The following DSP variants were observed in gnomAD, a reference collection of about 807,000 sequenced individuals.
The protein encoded by DSP is desmoplakin.
Under a neutral mutation model 290.6 loss-of-function variants are expected in DSP, and 114 were observed. The ratio of observed to expected loss-of-function variants is 0.39; its 90% CI spans 0.34 to 0.46. The LOEUF is 0.46. Among genes scored for constraint, DSP ranks in the 20% least tolerant of loss-of-function variants. The probability of loss-of-function intolerance (pLI) is 0.99; values close to 1 mark genes in which losing one functional copy is unlikely to be tolerated. For synonymous variants in DSP, 1,311 were observed against 1,316.4 expected (o/e 1.00, Z 0.09); for missense variants, 3,230 against 3,495.8 (o/e 0.92, Z 1.92).
rs139796420 is a variant in DSP at position 7,577,658 on chromosome 6, A to G, written c.2878-121A>G. ...TAGTTGCTTGGCCACTAGTGGCGCAAAGTCTTTGGAGTGGGCAATTAGACG... is the reference window on the plus strand; with the variant it reads ...TAGTTGCTTGGCCACTAGTGGCGCAGAGTCTTTGGAGTGGGCAATTAGACG... On this transcript the variant is annotated intron_variant, in intron 20 of 23. Transcript: ENST00000379802. 30 of 856,938 alleles carry G rather than the reference A, an allele frequency of 3.5e-5. No homozygotes were observed. In the East Asian group the frequency reaches 6.8e-4, roughly 19 times the overall value. 53.1% of individuals were successfully genotyped at this position (856,938 alleles called of 1,614,324 possible). A position where few individuals can be genotyped will look rare whatever the true frequency, so the allele number is the denominator to read the frequency against.
intron 6 of DSP, among the ~76,000 whole-genome samples, chr6:7,564,575 A>G (rs917743902): frequency 6.6e-6 from 1 of 152,230 alleles, no homozygotes; most frequent in Non-Finnish European, 1.5e-5. Context: ...GTACAAAAAT[A>G]CAGTTAGATA....
chr6:7,570,833 G>C (rs1759023376), intron 13 of DSP, among the ~76,000 whole-genome samples: 1 of 152,228 alleles, frequency 6.6e-6, no homozygotes, highest in African/African-American at 2.4e-5. Flanking sequence ...ATGCACTCCT[G>C]TAAGATTCTG....
rs374266378 is a variant in DSP, at chr6:7,584,861, T to C, written c.7599T>C (p.Ala2533=). The C allele has an allele frequency of 1.9e-5, 30 of 1,614,182 alleles. No individual in the cohort carries two copies. In the African/African-American group the frequency reaches 3.7e-4, roughly 20 times the overall value. The change falls in exon 24 of 24, where the codon GCT becomes GCC. Residue 2533 remains alanine (A), a synonymous_variant. Coordinates refer to ENST00000379802, the MANE Select transcript of DSP (RefSeq NM_004415.4). This position sits in a 1 kb window ranked among gnomAD's most constrained non-coding sequence, Gnocchi z 6.4. ...KTGSQYDIQD[A]IDKGLVDRKF... Reference sequence around the variant, plus strand: ...GCAGTCAGTATGATATTCAAGATGCTATTGACAAGGGCCTTGTTGACAGGA... The same window carrying C: ...GCAGTCAGTATGATATTCAAGATGCCATTGACAAGGGCCTTGTTGACAGGA...
Position 7,579,830 on chromosome 6 carries a change from A to G in DSP, c.3640A>G (p.Ile1214Val), listed in dbSNP as rs1376293705. The G allele has an allele frequency of 1.9e-6, 3 of 1,614,042 alleles. No homozygotes were observed. Among genetic ancestry groups the G allele is most frequent in the South Asian group, 1.1e-5 (1 of 91,084 alleles). The stretch of plus-strand genomic sequence containing the variant: ...TTTAAGGAACAAGTATGAAACAGAG[A>G]TTAACATTACGAAGACCACCATCAA... ...SNLRNKYETE[I>V]NITKTTIKEI... The change falls in exon 23 of 24, where the codon ATT becomes GTT. Residue 1214 changes from isoleucine (I) to valine (V), a missense_variant. Physicochemically the swap from Ile to Val is conservative, Grantham distance 29. This residue lies in a region of DSP where 1,714 missense variants were observed against 1,844.5 expected (regional missense o/e 0.93). Transcript: ENST00000379802. This position sits in a 1 kb window ranked among gnomAD's most constrained non-coding sequence, Gnocchi z 4.1.
chr6:7,553,798 C>A (rs1368003227), intron 1 of DSP, among the ~76,000 whole-genome samples: 1 of 152,122 alleles, frequency 6.6e-6, no homozygotes, highest in Non-Finnish European at 1.5e-5. Context: ...GGCACCACCT[C>A]CCCTGGGCCT....
Position 7,583,111 on chromosome 6 carries a change from A to G in DSP, c.5849A>G (p.His1950Arg). 6.2e-7 allele frequency: 1 copy of G among 1,614,108 alleles called. No individual in the cohort carries two copies. Among genetic ancestry groups the G allele is most frequent in the Non-Finnish European group, 8.5e-7 (1 of 1,180,018 alleles). The change falls in exon 24 of 24, where the codon CAT becomes CGT. Residue 1950 changes from histidine to arginine, a missense_variant. His to Arg is a conservative substitution (Grantham distance 29). Around this residue, in one of 5 missense-constraint regions of DSP, gnomAD observed 1,714 missense variants for 1,844.5 expected, o/e 0.93. Transcript: ENST00000379802. The surrounding 1 kb of genome is among the most constrained non-coding windows in gnomAD (Gnocchi z 4.0). ...DKLRQRPYGS[H>R]RETQTECEWT... is the part of the protein sequence containing the mutation. ...CTCAGACAGCGCCCATATGGGTCCC[A>G]TCGAGAGACCCAGACTGAGTGTGAG...
At chr6:7,563,855 T>A in intron 6 of DSP, 69 bp downstream of exon 6, 1 of 1,423,238 alleles carries the variant, frequency 7.0e-7, no homozygotes, top group Non-Finnish European at 9.9e-7. Context: ...TCAAGAAATA[T>A]CAAGCACATC....
intron 1 of DSP, among the ~76,000 whole-genome samples, chr6:7,546,654 C>T (rs1758180169): frequency 6.6e-6 from 1 of 152,226 alleles, no homozygotes; most frequent in South Asian, 2.1e-4. Flanking sequence ...ACCTTTTCTA[C>T]TTGTAAACCC....
chr6:7,585,177 C>T lies in DSP; in HGVS notation c.7915C>T (p.Arg2639Trp), dbSNP rs771553674. Reference protein sequence around the residue: ...EKISITEGIERGIVDSITGQR... With the variant: ...EKISITEGIEWGIVDSITGQR... ...AATCTCCATTACAGAAGGTATAGAG[C>T]GGGGCATCGTTGACAGCATCACGGG... The change falls in exon 24 of 24, where the codon CGG becomes TGG. Residue 2639 changes from arginine to tryptophan, a missense_variant. This residue lies in a region of DSP where 582 missense variants were observed against 555.4 expected (regional missense o/e 1.05). Transcript: ENST00000379802. The T allele has an allele frequency of 5.7e-5, 92 of 1,614,034 alleles. No individual in the cohort carries two copies. The highest frequency in any genetic ancestry group is 7.2e-5 in the Non-Finnish European group (85 of 1,180,044).
rs1305246281 is a variant in DSP, at chr6:7,585,477, C to T, written c.8215C>T (p.Pro2739Ser). The stretch of plus-strand genomic sequence containing the variant: ...GTACCTCACGGGAGGTCTTGTTGAC[C>T]CGGAAGTGCATGGGAGGATAAGCAC... ...FQYLTGGLVD[P>S]EVHGRISTEE... Residue 2739 changes from proline (P) to serine (S), a missense_variant, in exon 24 of 24, where the codon CCG becomes TCG. Physicochemically the swap from Pro to Ser is moderately conservative, Grantham distance 74. Around this residue, in one of 5 missense-constraint regions of DSP, gnomAD observed 582 missense variants for 555.4 expected, o/e 1.05. Transcript: ENST00000379802. 1.2e-6 allele frequency: 2 copies of T among 1,614,088 alleles called. No individual in the cohort carries two copies. The highest frequency in any genetic ancestry group is 4.5e-5 in the East Asian group (2 of 44,874).
rs376273136 is a variant in DSP at position 7,585,592 on chromosome 6, C to A, written c.8330C>A (p.Pro2777His). 6.2e-6 allele frequency: 10 copies of A among 1,614,050 alleles called. No individual in the cohort carries two copies. Among genetic ancestry groups the A allele is most frequent in the Non-Finnish European group, 8.5e-6 (10 of 1,180,044 alleles). The change falls in exon 24 of 24, where the codon CCC becomes CAC. Residue 2777 changes from proline to histidine, a missense_variant. Transcript: ENST00000379802. ...AGCTATGCCAAAATCCTGACCTGCC[C>A]CAAAACCAAATTAAAAATATCCTAT... ...TSSYAKILTC[P>H]KTKLKISYKD...
At position 7,585,009 on chromosome 6, in the gene DSP, A is replaced by G; in HGVS notation, c.7747A>G (p.Ser2583Gly). ...MGSGVSDDVF[S>G]SSRHESVSKI... ...CAGTGGTGTCAGCGATGATGTTTTT[A>G]GCAGCTCCCGACATGAATCAGTAAG... Residue 2583 changes from serine to glycine, a missense_variant, in exon 24 of 24, where the codon AGC becomes GGC. Ser to Gly is a moderately conservative substitution (Grantham distance 56). Transcript: ENST00000379802. 3.7e-6 allele frequency: 6 copies of G among 1,614,196 alleles called. No homozygotes were observed. Among genetic ancestry groups the G allele is most frequent in the Non-Finnish European group, 5.1e-6 (6 of 1,180,038 alleles).
chr6:7,563,237 A>G (rs1008832297), intron 5 of DSP, among the ~76,000 whole-genome samples: 3 of 152,134 alleles, frequency 2.0e-5, no homozygotes, highest in African/African-American at 7.2e-5. Context: ...AACTGGGTTG[A>G]GAATTACAGC....
At chr6:7,571,104 C>T (rs1759029920) in intron 13 of DSP, among the ~76,000 whole-genome samples, 1 of 150,698 alleles carries the variant, frequency 6.6e-6, no homozygotes, top group African/African-American at 2.4e-5. Flanking sequence ...GTAGTTGGAG[C>T]AGCTTTGCTG....
chr6:7,550,770 G>A (rs1314781029), intron 1 of DSP, among the ~76,000 whole-genome samples: 2 of 150,416 alleles, frequency 1.3e-5, no homozygotes, highest in Non-Finnish European at 3.0e-5. Context: ...TGATAAATTT[G>A]ACCCAAATGA....
rs748155733 is a variant in DSP, at chr6:7,583,646, G to C, written c.6384G>C (p.Gln2128His). The change falls in exon 24 of 24, where the codon CAG becomes CAC. Residue 2128 changes from glutamine (Q) to histidine (H), a missense_variant. Gln to His is a conservative substitution (Grantham distance 24). Transcript: ENST00000379802. This position sits in a 1 kb window ranked among gnomAD's most constrained non-coding sequence, Gnocchi z 4.0. Reference sequence around the variant, plus strand: ...CCGGAATGCGCCTGCTGGAAGCCCAGATTGCTTCAGGGGGTGTAGTAGACC... The same window carrying C: ...CCGGAATGCGCCTGCTGGAAGCCCACATTGCTTCAGGGGGTGTAGTAGACC... ...RETGMRLLEAQIASGGVVDPV... is the reference protein window; with the variant it reads ...RETGMRLLEAHIASGGVVDPV... 9 of 1,614,122 alleles carry C rather than the reference G, an allele frequency of 5.6e-6. No homozygotes were observed. The highest frequency in any genetic ancestry group is 6.8e-6 in the Non-Finnish European group (8 of 1,180,028).
Position 7,582,205 on chromosome 6 carries a change from AATAT to A in DSP, c.5380-432_5380-429del, listed in dbSNP as rs1759461268. Among the ~76,000 whole-genome samples the A allele has an allele frequency of 6.9e-6, 1 of 144,916 alleles. No homozygotes were observed. The highest frequency in any genetic ancestry group is 2.1e-4 in the South Asian group (1 of 4,664). On this transcript the variant is annotated intron_variant, in intron 23 of 23. Coordinates refer to ENST00000379802, the MANE Select transcript of DSP (RefSeq NM_004415.4). The surrounding 1 kb of genome is among the most constrained non-coding windows in gnomAD (Gnocchi z 4.2). Reference sequence around the variant, plus strand: ...TATATATATAATTATATAATTACATAATATATATTTATCTATAATATATATTTTA... The same window carrying A: ...TATATATATAATTATATAATTACATAATATTTATCTATAATATATATTTTA...
At chr6:7,542,358 G>T (rs1018884475) in intron 1 of DSP, among the ~76,000 whole-genome samples, 2 of 152,154 alleles carry the variant, frequency 1.3e-5, no homozygotes, top group Non-Finnish European at 2.9e-5. Flanking sequence ...TCGGGCCCGC[G>T]CGGGGCTGTC....
intron 1 of DSP, among the ~76,000 whole-genome samples, chr6:7,543,718 A>G (rs959126695): frequency 1.6e-4 from 24 of 152,122 alleles, no homozygotes; most frequent in Admixed American, 1.4e-3. Flanking sequence ...CCAAGTATTT[A>G]TTTTGATTAT....
Sources: allele counts gnomAD v4.1 joint callset (sites outside exome capture counted in the v4.1 genomes callset), GRCh38; gene constraint gnomAD v4.1.1; regional missense constraint gnomAD v4.1.1; non-coding constraint Gnocchi (gnomAD v3.1); transcripts MANE v1.5; gene names NCBI Gene and HGNC (gene_info 2026-07-23, HGNC 2026-07-21).